MAPK10: variants seen among roughly 807,000 people sequenced by gnomAD.
MAPK10 encodes JNK3 alpha protein kinase.
Under a neutral mutation model 59.3 loss-of-function variants are expected in MAPK10, and 25 were observed. That is an observed-to-expected ratio of 0.42 (90% CI 0.31 to 0.59). The LOEUF (loss-of-function observed/expected upper bound fraction) is 0.59. Among genes scored for constraint, MAPK10 ranks in the 20% least tolerant of loss-of-function variants. MAPK10 has a pLI of 0.15. For missense variants in MAPK10, 351 were observed against 568.9 expected, an observed-to-expected ratio of 0.62 and a Z score of 3.90; for synonymous variants, 190 against 200.5, an observed-to-expected ratio of 0.95 and a Z score of 0.44.
At chr4:86,034,960 A>C (rs557073811) in intron 11 of MAPK10, among the ~76,000 whole-genome samples, 2 of 152,124 alleles carry the variant, frequency 1.3e-5, no homozygotes, top group Non-Finnish European at 2.9e-5. Context: ...GTGTACATGC[A>C]TGCCAAGAAA....
chr4:86,462,451 T>C (rs1446058398), intron 1 of MAPK10, among the ~76,000 whole-genome samples: 1 of 152,142 alleles, frequency 6.6e-6, no homozygotes, highest in Non-Finnish European at 1.5e-5. Flanking sequence ...AAGCGGCTTA[T>C]TGGGTGAATC....
At chr4:86,415,157 C>T (rs1020866498) in intron 1 of MAPK10, among the ~76,000 whole-genome samples, 1 of 132,932 alleles carries the variant, frequency 7.5e-6, no homozygotes, top group Non-Finnish European at 1.7e-5. Flanking sequence ...AAAAAAAAAA[C>T]TTCCATTACG....
chr4:86,321,757 G>A lies in MAPK10; in HGVS notation c.-7+32773C>T, dbSNP rs919384132. The A allele has an allele frequency of 5.3e-5, 8 of 151,774 alleles. No individual in the cohort carries two copies. The South Asian group carries it at 1.2e-3, about 24-fold the overall frequency. The allele number at this position is 151,774 out of a possible 1,614,324, so 9.4% of individuals were successfully genotyped here. A position where few individuals can be genotyped will look rare whatever the true frequency, so the allele number is the denominator to read the frequency against. On this transcript the variant is annotated intron_variant, in intron 2 of 13. Transcript: ENST00000641462. ...TAATTAAAAAAAAAAGAATCTATATGAGTGGTTCTACTAAATATCCTAAAT... is the reference window on the plus strand; with the variant it reads ...TAATTAAAAAAAAAAGAATCTATATAAGTGGTTCTACTAAATATCCTAAAT...
At chr4:86,360,924 A>G (rs563187749), upstream of MAPK10, among the ~76,000 whole-genome samples, 8 of 152,330 alleles carry the variant, frequency 5.3e-5, no homozygotes, top group South Asian at 1.5e-3. Context: ...AAAATTTTCA[A>G]TACAAATTTC....
At chr4:86,376,357 A>G (rs1739811473) in intron 1 of MAPK10, among the ~76,000 whole-genome samples, 1 of 152,214 alleles carries the variant, frequency 6.6e-6, no homozygotes, top group Non-Finnish European at 1.5e-5. Flanking sequence ...ATGGAAATGT[A>G]CACATCATGA....
At chr4:86,075,594 G>A (rs544052588) in intron 9 of MAPK10, among the ~76,000 whole-genome samples, 1 of 152,248 alleles carries the variant, frequency 6.6e-6, no homozygotes, top group African/African-American at 2.4e-5. Flanking sequence ...CTTTCTGTTT[G>A]TTAGTTTTCC....
rs906291567 is a variant in MAPK10 at position 86,104,391 on chromosome 4, T to C, written c.367-1147A>G. 4.1e-4 allele frequency among the ~76,000 whole-genome samples: 62 copies of C among 152,234 alleles called. 1 individual carries two copies. The highest frequency in any genetic ancestry group is 1.4e-3 in the African/African-American group (60 of 41,584). On this transcript the variant is annotated intron_variant, in intron 5 of 13. Transcript: ENST00000641462. ...GTGGAATATTCATATAGAAATAAAA[T>C]TGTTTTAAAATTATCTTTATAACTT...
At chr4:86,319,407 T>C (rs1349440367) in intron 2 of MAPK10, among the ~76,000 whole-genome samples, 1 of 152,140 alleles carries the variant, frequency 6.6e-6, no homozygotes, top group Non-Finnish European at 1.5e-5. Context: ...TTCAGAAAAT[T>C]CATGCAAAAT....
At chr4:86,256,734 C>CTTTTTTTTTT (rs767737802) in intron 2 of MAPK10, among the ~76,000 whole-genome samples, 19 of 59,618 alleles carry the variant, frequency 3.2e-4, no homozygotes, top group African/African-American at 4.3e-4. Context: ...TTCTTTCTTT[C>CTTTTTTTTTT]TTTTTTTTTT....
intron 2 of MAPK10, among the ~76,000 whole-genome samples, chr4:86,316,310 A>AT (rs1035453080): frequency 6.6e-6 from 1 of 152,148 alleles, no homozygotes; most frequent in Admixed American, 6.6e-5. Context: ...GCATTTATAT[A>AT]TTTTTTTCTA....
chr4:86,368,628 TA>T (rs1327416340), intron 1 of MAPK10, among the ~76,000 whole-genome samples: 1 of 152,168 alleles, frequency 6.6e-6, no homozygotes, highest in Non-Finnish European at 1.5e-5. Flanking sequence ...CTTATAAAAG[TA>T]CGGGTTTGCT....
chr4:86,339,833 G>A (rs1326338837), intron 2 of MAPK10, among the ~76,000 whole-genome samples: 1 of 152,172 alleles, frequency 6.6e-6, no homozygotes, highest in Non-Finnish European at 1.5e-5. Context: ...TAAGTCATGT[G>A]TCATAAGGAT....
At chr4:86,089,381 T>C (rs1158583268) in intron 9 of MAPK10, 8 of 746,950 alleles carry the variant, frequency 1.1e-5, no homozygotes, top group Non-Finnish European at 1.8e-5. Context: ...GTCTGACTTT[T>C]CACTGACTGG....
In MAPK10 at chr4:86,057,265, A is replaced by T. The variant is rs986022904; in HGVS notation, c.1110+7001T>A. Among the ~76,000 whole-genome samples the T allele has an allele frequency of 7.3e-5, 11 of 150,046 alleles. 1 individual carries two copies. Among genetic ancestry groups the T allele is most frequent in the African/African-American group, 2.8e-4 (11 of 40,000 alleles). ...GCAGGACATTATTTTATATTCAGTC[A>T]AATAATAGTTTAAAAATCATAGCTA... is the stretch of plus-strand genomic sequence containing the variant. On this transcript the variant is annotated intron_variant, in intron 11 of 13. Transcript: ENST00000641462.
At chr4:86,351,036 C>CA (rs1731065251) in intron 2 of MAPK10, among the ~76,000 whole-genome samples, 1 of 152,022 alleles carries the variant, frequency 6.6e-6, no homozygotes, top group South Asian at 2.1e-4. Flanking sequence ...TGATCTTGGA[C>CA]AAGCCACTTA....
At chr4:86,103,804 T>G (rs993596964) in intron 5 of MAPK10, among the ~76,000 whole-genome samples, 1 of 151,972 alleles carries the variant, frequency 6.6e-6, no homozygotes, top group African/African-American at 2.4e-5. Context: ...AGAAAATTAT[T>G]TTAAAGTTAT....
chr4:86,389,102 G>A (rs1019087676), intron 1 of MAPK10, among the ~76,000 whole-genome samples: 1 of 152,112 alleles, frequency 6.6e-6, no homozygotes, highest in Non-Finnish European at 1.5e-5. Flanking sequence ...TGGATCTCCC[G>A]CTTTGGTGCT....
At chr4:86,184,266 G>T (rs1189350243) in intron 3 of MAPK10, among the ~76,000 whole-genome samples, 2 of 152,064 alleles carry the variant, frequency 1.3e-5, no homozygotes, top group Non-Finnish European at 2.9e-5. Flanking sequence ...GGGTTTTTAT[G>T]GTTTTATGTC....
intron 2 of MAPK10, among the ~76,000 whole-genome samples, chr4:86,305,462 A>G (rs990900588): frequency 6.6e-6 from 1 of 152,202 alleles, no homozygotes; most frequent in African/African-American, 2.4e-5. Flanking sequence ...AATCTAAGAA[A>G]AGGTAATCCT....
Sources: gnomAD v4.1 joint callset for allele counts (sites outside exome capture counted in the v4.1 genomes callset) on GRCh38, gnomAD v4.1.1 for gene constraint, MANE v1.5 for transcripts, NCBI Gene and HGNC (gene_info 2026-07-23, HGNC 2026-07-21) for gene names.